DMRT1: variants seen among roughly 807,000 people sequenced by gnomAD.
The protein encoded by DMRT1 is doublesex- and mab-3-related transcription factor 1.
A neutral mutation model predicts 32.3 loss-of-function variants in DMRT1; 7 were observed. The ratio of observed to expected loss-of-function variants is 0.22; its 90% confidence interval spans 0.12 to 0.41. The LOEUF (loss-of-function observed/expected upper bound fraction) is 0.41. Ranked by LOEUF, DMRT1 falls within the 10% of genes least tolerant of loss-of-function variation. The pLI, the probability that DMRT1 is intolerant of heterozygous loss-of-function variation, is 1.00. For missense variants in DMRT1, 625 were observed against 500.5 expected (o/e 1.25, Z -2.37); for synonymous variants, 278 against 206.1 (o/e 1.35, Z -2.99).
intron 2 of DMRT1, among the ~76,000 whole-genome samples, chr9:873,040 C>T (rs886704137): frequency 6.1e-4 from 93 of 152,188 alleles, no homozygotes; most frequent in African/African-American, 2.1e-3. Context: ...CAGAAATAAT[C>T]CTTGAGCAGT....
chr9:909,791 C>T (rs976649776), intron 3 of DMRT1, among the ~76,000 whole-genome samples: 1 of 152,154 alleles, frequency 6.6e-6, no homozygotes, highest in African/African-American at 2.4e-5. Flanking sequence ...TAGCTTACTG[C>T]AGCCTTGACC....
chr9:860,878 G>A (rs1232880431), intron 2 of DMRT1, among the ~76,000 whole-genome samples: 1 of 152,146 alleles, frequency 6.6e-6, no homozygotes, highest in Non-Finnish European at 1.5e-5. Context: ...AGGCAGCTGT[G>A]AGCCTGAGTG....
At chr9:842,230 G>GTTGTTTTTTTTTTTT in intron 1 of DMRT1, 38 bp downstream of exon 1, 1 of 1,266,394 alleles carries the variant, frequency 7.9e-7, no homozygotes, top group African/African-American at 2.2e-5. Context: ...TTCAGCCTTA[G>GTTGTTTTTTTTTTTT]TTTTTTTTTT....
intron 4 of DMRT1, among the ~76,000 whole-genome samples, chr9:930,649 C>T (rs1160943628): frequency 6.6e-6 from 1 of 152,080 alleles, no homozygotes; most frequent in Non-Finnish European, 1.5e-5. Flanking sequence ...ACCTCGTGAT[C>T]TGCCTGCCTC....
At chr9:956,510 G>A (rs1819604691) in intron 4 of DMRT1, among the ~76,000 whole-genome samples, 1 of 150,206 alleles carries the variant, frequency 6.7e-6, no homozygotes, top group Non-Finnish European at 1.5e-5. Flanking sequence ...GCTGCAGTGA[G>A]TTATGATTGA....
At chr9:925,592 T>C (rs10977542) in intron 4 of DMRT1, among the ~76,000 whole-genome samples, 108,771 of 152,110 alleles carry the variant, frequency 0.72, 39,520 homozygotes, top group South Asian at 0.89. Context: ...CGAACTCAGA[T>C]CCCTGAATTA....
chr9:854,636 T>G (rs1815310536), intron 2 of DMRT1, among the ~76,000 whole-genome samples: 1 of 152,156 alleles, frequency 6.6e-6, no homozygotes, highest in African/African-American at 2.4e-5. Context: ...GAGATCCGTT[T>G]GATTTTAGAC....
At chr9:950,058 A>G (rs903705656) in intron 4 of DMRT1, among the ~76,000 whole-genome samples, 7 of 152,082 alleles carry the variant, frequency 4.6e-5, no homozygotes, top group African/African-American at 1.7e-4. Flanking sequence ...CCTGATTTCA[A>G]TTCTTTGAAT....
At chr9:885,670 T>C (rs1816900473) in intron 2 of DMRT1, among the ~76,000 whole-genome samples, 1 of 152,282 alleles carries the variant, frequency 6.6e-6, no homozygotes, top group South Asian at 2.1e-4. Flanking sequence ...GATGGAGGCA[T>C]GGTGGTCCAG....
chr9:858,868 AAAATATATATAT>A (rs1815524171), intron 2 of DMRT1, among the ~76,000 whole-genome samples: 1 of 17,176 alleles, frequency 5.8e-5, no homozygotes, highest in Non-Finnish European at 1.4e-4. Context: ...AAAAAAAAAA[AAAATATATATAT>A]ATATATATAT....
intron 4 of DMRT1, among the ~76,000 whole-genome samples, chr9:939,823 T>C (rs1460696016): frequency 6.6e-6 from 1 of 152,222 alleles, no homozygotes; most frequent in Non-Finnish European, 1.5e-5. Context: ...CTGTATGTTG[T>C]AGAAATAGTC....
At chr9:967,446 AT>A (rs556171930) in intron 4 of DMRT1, among the ~76,000 whole-genome samples, 21 of 152,316 alleles carry the variant, frequency 1.4e-4, no homozygotes, top group African/African-American at 4.8e-4. Context: ...TTTAAAAGTT[AT>A]GTATGCTGAC....
intron 3 of DMRT1, among the ~76,000 whole-genome samples, chr9:909,504 T>C (rs1460561499): frequency 6.6e-6 from 1 of 151,966 alleles, no homozygotes; most frequent in Non-Finnish European, 1.5e-5. Flanking sequence ...AAAAGAAGCA[T>C]CTATTAAAAC....
intron 3 of DMRT1, among the ~76,000 whole-genome samples, chr9:912,856 T>G (rs1818037083): frequency 6.6e-6 from 1 of 152,150 alleles, no homozygotes; most frequent in Non-Finnish European, 1.5e-5. Context: ...TTAAACCAGA[T>G]TTTCTTGAGT....
intron 4 of DMRT1, among the ~76,000 whole-genome samples, chr9:954,047 T>A (rs149634417): frequency 3.4e-4 from 51 of 151,914 alleles, no homozygotes; most frequent in African/African-American, 1.2e-3. Flanking sequence ...CTGTGGAGAT[T>A]GGGGAAAGTC....
intron 3 of DMRT1, among the ~76,000 whole-genome samples, chr9:915,599 C>T (rs1305678644): frequency 6.6e-6 from 1 of 152,194 alleles, no homozygotes; most frequent in Non-Finnish European, 1.5e-5. Context: ...GAATTCAGAT[C>T]TCAGACTCCT....
chr9:962,616 T>C (rs1472672955), intron 4 of DMRT1, among the ~76,000 whole-genome samples: 2 of 151,666 alleles, frequency 1.3e-5, no homozygotes, highest in Non-Finnish European at 2.9e-5. Context: ...CAGGAGGGCC[T>C]GGGTGGGGTG....
chr9:886,431 C>T (rs1816932183), intron 2 of DMRT1, among the ~76,000 whole-genome samples: 1 of 152,060 alleles, frequency 6.6e-6, no homozygotes, highest in Non-Finnish European at 1.5e-5. Flanking sequence ...GCTAGTTTTT[C>T]TGTTTTTTGA....
At chr9:930,170 T>G (rs1445775623) in intron 4 of DMRT1, among the ~76,000 whole-genome samples, 1 of 152,212 alleles carries the variant, frequency 6.6e-6, no homozygotes, top group Non-Finnish European at 1.5e-5. Flanking sequence ...ACTTCACCTT[T>G]GTTACTTACA....
Sources: allele counts gnomAD v4.1 joint callset (sites outside exome capture counted in the v4.1 genomes callset), GRCh38; gene constraint gnomAD v4.1.1; transcripts MANE v1.5; gene names NCBI Gene and HGNC (gene_info 2026-07-23, HGNC 2026-07-21).